The following CCDC30 variants were observed in gnomAD, a reference collection of about 807,000 sequenced individuals.
CCDC30 encodes the protein coiled-coil domain containing 30, also known as coiled-coil domain-containing protein 30.
In CCDC30, 70 loss-of-function variants were observed where a neutral mutation model predicts 100.2. The observed-to-expected ratio is 0.70, with a 90% CI of 0.58 to 0.85. The LOEUF (loss-of-function observed/expected upper bound fraction) is 0.85, where lower values mean the gene tolerates loss of function less well. Ranked by LOEUF, CCDC30 falls within the 40% of genes least tolerant of loss-of-function variation. The pLI, the probability that CCDC30 is intolerant of heterozygous loss-of-function variation, is 0.00. For missense variants in CCDC30, 652 were observed against 771.2 expected (o/e 0.85, Z 1.83); for synonymous variants, 233 against 269.5 (o/e 0.86, Z 1.33).
intron 10 of CCDC30, among the ~76,000 whole-genome samples, chr1:42,606,288 A>G (rs1646500016): frequency 6.6e-6 from 1 of 152,070 alleles, no homozygotes; most frequent in African/African-American, 2.4e-5. Flanking sequence ...TTATTTATTT[A>G]TTTGTTTTGA....
In CCDC30 at chr1:42,652,369, G is replaced by A. The variant is rs72967300; in HGVS notation, c.1855-1007G>A. Among the ~76,000 whole-genome samples, 1,407 of 152,238 alleles carry A rather than the reference G, an allele frequency of 9.2e-3. 19 individuals are homozygous for A. The highest frequency in any genetic ancestry group is 0.033 in the African/African-American group (1,352 of 41,542). ...AAAGGTGCAATGTTTCAGTTAGACC[G>A]GAGGAGTAAGTATTTGAGGTGATGG... On this transcript the variant is annotated intron_variant, in intron 15 of 16. Coordinates refer to ENST00000668663, the Ensembl canonical transcript of CCDC30.
chr1:42,490,249 A>G lies in CCDC30; in HGVS notation c.241+20A>G, dbSNP rs928025724. The G allele has an allele frequency of 9.2e-7, 1 of 1,085,606 alleles. No individual in the cohort carries two copies. Among genetic ancestry groups the G allele is most frequent in the Non-Finnish European group, 1.2e-6 (1 of 853,278 alleles). The allele number at this position is 1,085,606 out of a possible 1,614,324, so 67.2% of individuals were successfully genotyped here. On this transcript the variant is annotated intron_variant, in intron 4 of 16. Transcript: ENST00000668663. ...AAAATGGTAAGTCATTCTAGAAGAT[A>G]TGATGATTATTATTTAGTAGCCAAG...
At chr1:42,581,439 T>C in exon 9 of CCDC30, 1 of 1,613,748 alleles carries the variant, frequency 6.2e-7, no homozygotes, top group Non-Finnish European at 8.5e-7. Context: ...AAGCAGCAGC[T>C]AGAGGAAAAG....
rs761211657 is a variant in CCDC30, at chr1:42,531,988, C to A, written c.456+33072C>A. On this transcript the variant is annotated intron_variant, in intron 6 of 16. Transcript: ENST00000668663. ...GAAAGTCAAGATTTCAAATCTCAACCTAACTACAAGACCTATGTTTTGGCC... is the reference window on the plus strand; with the variant it reads ...GAAAGTCAAGATTTCAAATCTCAACATAACTACAAGACCTATGTTTTGGCC... 6.2e-4 allele frequency among the ~76,000 whole-genome samples: 94 copies of A among 152,052 alleles called. 1 individual carries two copies. The highest frequency in any genetic ancestry group is 1.8e-4 in the Non-Finnish European group (12 of 68,012).
intron 6 of CCDC30, chr1:42,537,448 G>A (rs1318995859): frequency 2.8e-6 from 1 of 354,240 alleles, no homozygotes; most frequent in East Asian, 8.0e-5. Context: ...CTGTGGTTTT[G>A]GGAGGCCACC....
chr1:42,573,347 A>G (rs1159233382), intron 7 of CCDC30, among the ~76,000 whole-genome samples: 1 of 152,188 alleles, frequency 6.6e-6, no homozygotes, highest in East Asian at 1.9e-4. Context: ...TTTGTTAGAC[A>G]TATTCACAGG....
chr1:42,465,729 G>A (rs1039030471), intron 1 of CCDC30, among the ~76,000 whole-genome samples: 4 of 152,142 alleles, frequency 2.6e-5, no homozygotes, highest in Non-Finnish European at 5.9e-5. Context: ...ATTTGGCAAT[G>A]TACGTAAGCA....
At chr1:42,535,696 C>T (rs1424345566) in intron 6 of CCDC30, among the ~76,000 whole-genome samples, 1 of 702 alleles carries the variant, frequency 1.4e-3, no homozygotes, top group African/African-American at 4.8e-3. Context: ...CCCATCACTA[C>T]TATATATATA....
chr1:42,575,204 A>G (rs1021959670), intron 7 of CCDC30, among the ~76,000 whole-genome samples: 2 of 152,098 alleles, frequency 1.3e-5, no homozygotes, highest in African/African-American at 2.4e-5. Flanking sequence ...CTCTCTCACC[A>G]CTTTTGTCTA....
At chr1:42,583,386 T>C (rs1367616357) in intron 9 of CCDC30, among the ~76,000 whole-genome samples, 3 of 152,184 alleles carry the variant, frequency 2.0e-5, no homozygotes, top group Non-Finnish European at 4.4e-5. Flanking sequence ...TGTAGGAAAA[T>C]AAAATATATA....
exon 8 of CCDC30, chr1:42,577,045 A>T: frequency 1.2e-6 from 2 of 1,613,810 alleles, no homozygotes; most frequent in Non-Finnish European, 1.7e-6. Context: ...AAGCATGCCC[A>T]ACAGAAGTTA....
intron 10 of CCDC30, 169 bp downstream of exon 14, chr1:42,589,652 A>G (rs1024385548): frequency 1.8e-6 from 1 of 556,560 alleles, no homozygotes. Context: ...AACACAGGGA[A>G]TAAGAGCTTA....
intron 8 of CCDC30, among the ~76,000 whole-genome samples, chr1:42,578,596 AAATATT>A (rs1378898191): frequency 6.6e-6 from 1 of 152,232 alleles, no homozygotes; most frequent in African/African-American, 2.4e-5. Flanking sequence ...AGACAATACT[AAATATT>A]AGTGAGGATT....
chr1:42,461,344 A>C (rs1384157701), upstream of CCDC30, among the ~76,000 whole-genome samples: 1 of 152,112 alleles, frequency 6.6e-6, no homozygotes, highest in East Asian at 1.9e-4. Flanking sequence ...TGAACAAAAA[A>C]ATTTTCTTAG....
intron 7 of CCDC30, among the ~76,000 whole-genome samples, chr1:42,572,022 A>G (rs1022685616): frequency 2.0e-4 from 31 of 152,208 alleles, no homozygotes; most frequent in African/African-American, 6.8e-4. Context: ...ACTCATGCAC[A>G]TGTATCCTGA....
chr1:42,515,084 G>A (rs1372932802), intron 6 of CCDC30, among the ~76,000 whole-genome samples: 1 of 152,112 alleles, frequency 6.6e-6, no homozygotes, highest in Non-Finnish European at 1.5e-5. Flanking sequence ...TAATTAGGGT[G>A]GGCCTTAATC....
At chr1:42,549,339 T>A (rs1371897528) in intron 6 of CCDC30, among the ~76,000 whole-genome samples, 1 of 152,210 alleles carries the variant, frequency 6.6e-6, no homozygotes, top group African/African-American at 2.4e-5. Context: ...CCAAGAAAAC[T>A]GAAATGACTA....
intron 6 of CCDC30, among the ~76,000 whole-genome samples, chr1:42,538,635 C>T (rs1409090546): frequency 1.3e-5 from 2 of 151,998 alleles, no homozygotes; most frequent in African/African-American, 4.8e-5. Flanking sequence ...TTTAAAAAAC[C>T]ACAGAGTTTA....
chr1:42,456,491 G>T, the CCDC30 span: 2 of 1,396,710 alleles, frequency 1.4e-6, no homozygotes, highest in African/African-American at 1.5e-5. Flanking sequence ...GGCGCGGCGC[G>T]TACACCAGGT....
Sources: gnomAD v4.1 joint callset for allele counts (sites outside exome capture counted in the v4.1 genomes callset) on GRCh38, gnomAD v4.1.1 for gene constraint, MANE v1.5 for transcripts, NCBI Gene and HGNC (gene_info 2026-07-23, HGNC 2026-07-21) for gene names.